Variants in PCNT observed in about 807,000 individuals in gnomAD.
PCNT encodes pericentrin, also known as kendrin.
PCNT carries 319 observed loss-of-function variants against 380.4 expected under a neutral mutation model. The ratio of observed to expected loss-of-function variants is 0.84; its 90% CI spans 0.77 to 0.92. The LOEUF is 0.92. Ranked by LOEUF, PCNT falls within the 40% of genes least tolerant of loss-of-function variation. The probability of loss-of-function intolerance (pLI) is 0.00; values close to 1 mark genes in which losing one functional copy is unlikely to be tolerated. For missense variants in PCNT, 4,400 were observed against 4,255.3 expected (o/e 1.03, Z -0.95); for synonymous variants, 1,845 against 1,735.2 (o/e 1.06, Z -1.57).
At chr21:46,350,321 C>T (rs1177323623) in intron 8 of PCNT, among the ~76,000 whole-genome samples, 1 of 152,124 alleles carries the variant, frequency 6.6e-6, no homozygotes, top group African/African-American at 2.4e-5. Flanking sequence ...TGCAGGCGTC[C>T]CTGAGACAGT....
chr21:46,350,895 C>T (rs59691259), intron 8 of PCNT, among the ~76,000 whole-genome samples: 18,479 of 152,214 alleles, frequency 0.12, 3,090 homozygotes, highest in African/African-American at 0.38. Context: ...CCAGGTGCAG[C>T]GTTGCCCAGG....
chr21:46,441,735 A>G (rs1054890072), intron 43 of PCNT, among the ~76,000 whole-genome samples: 2 of 152,038 alleles, frequency 1.3e-5, no homozygotes, highest in African/African-American at 4.8e-5. Flanking sequence ...AGGAGGAAGC[A>G]TTTTAGGCAC....
rs771511550 is a variant in PCNT, at chr21:46,355,492, A to G, written c.1802A>G (p.His601Arg). 6.2e-7 allele frequency: 1 copy of G among 1,614,072 alleles called. No homozygotes were observed. Among genetic ancestry groups the G allele is most frequent in the East Asian group, 2.2e-5 (1 of 44,872 alleles). The change falls in exon 12 of 47, where the codon CAC becomes CGC. Residue 601 changes from histidine (H) to arginine (R), a missense_variant. By Grantham distance (29) the His-to-Arg change is conservative. Coordinates refer to ENST00000359568, the MANE Select transcript of PCNT (RefSeq NM_006031.6). ...TTCCAGGCGGAGTTAGAAGAAAGCC[A>G]CAGGCACCAGCTGGAAGCGCTGGAG... ...PRFQAELEESHRHQLEALESP... is the reference protein window; with the variant it reads ...PRFQAELEESRRHQLEALESP...
intron 3 of PCNT, among the ~76,000 whole-genome samples, chr21:46,344,526 C>G (rs1031863775): frequency 1.3e-5 from 2 of 152,248 alleles, no homozygotes; most frequent in African/African-American, 4.8e-5. Context: ...GCAACTGTAT[C>G]AAGCCTGTAT....
chr21:46,398,308 C>T (rs1477346074), intron 24 of PCNT, 53 bp downstream of exon 24: 11 of 1,539,736 alleles, frequency 7.1e-6, no homozygotes, highest in African/African-American at 4.1e-5. Context: ...CCAGGCTCCC[C>T]TGCGCTCGCT....
chr21:46,405,219 C>T (rs554926419), intron 27 of PCNT, among the ~76,000 whole-genome samples: 1 of 152,292 alleles, frequency 6.6e-6, no homozygotes, highest in East Asian at 1.9e-4. Flanking sequence ...AATGACAGAA[C>T]AGGACCCTGC....
At position 46,444,017 on chromosome 21, in the gene PCNT, G is replaced by A. The variant is rs910963934; in HGVS notation, c.9839+69G>A. ...CCTCCAGCCTACATAGGGCCTCAGA[G>A]AAATGCATTTTTAGTTCTGGCTTTG... is the stretch of plus-strand genomic sequence containing the variant. On this transcript the variant is annotated intron_variant, in intron 45 of 46. Transcript: ENST00000359568. 2.6e-6 allele frequency: 4 copies of A among 1,525,904 alleles called. No individual in the cohort carries two copies. In the African/African-American group the frequency reaches 4.1e-5, roughly 16 times the overall value. 94.5% of individuals were successfully genotyped at this position (1,525,904 alleles called of 1,614,324 possible). A position where few individuals can be genotyped will look rare whatever the true frequency, so the allele number is the denominator to read the frequency against.
chr21:46,352,848 G>GC (rs1167423560), intron 9 of PCNT, among the ~76,000 whole-genome samples: 2 of 152,056 alleles, frequency 1.3e-5, no homozygotes, highest in African/African-American at 2.4e-5. Flanking sequence ...TGCTGGCTGT[G>GC]CCCCCCACAT....
rs1400871079 is a variant in PCNT, at chr21:46,427,733, G to C, written c.7432G>C (p.Gly2478Arg). Residue 2478 changes from glycine (G) to arginine (R), a missense_variant, in exon 34 of 47, where the codon GGC (glycine) becomes CGC (arginine). By Grantham distance (125) the Gly-to-Arg change is moderately radical. Coordinates refer to ENST00000359568, the MANE Select transcript of PCNT (RefSeq NM_006031.6). ...GGTTGAGCTGCAGCCCCGACTCAGT[G>C]GCTCAGATCTGGGGGGTCACAGCTC... The part of the protein sequence containing the change: ...QGVELQPRLS[G>R]SDLGGHSSLL... The C allele has an allele frequency of 1.2e-6, 2 of 1,613,710 alleles. No homozygotes were observed. Among genetic ancestry groups the C allele is most frequent in the Admixed American group, 3.3e-5 (2 of 60,008 alleles).
chr21:46,326,354 T>C, intron 1 of PCNT, 23 bp from the exon 2 acceptor site: 2 of 1,611,852 alleles, frequency 1.2e-6, no homozygotes, highest in Non-Finnish European at 1.7e-6. Flanking sequence ...TTGCCTTTAC[T>C]ACTTATCTAC....
chr21:46,387,164 C>A (rs1452961162), intron 17 of PCNT, among the ~76,000 whole-genome samples: 1 of 152,214 alleles, frequency 6.6e-6, no homozygotes, highest in Non-Finnish European at 1.5e-5. Flanking sequence ...ACCCTCTGAG[C>A]TCACAGCTGT....
intron 21 of PCNT, among the ~76,000 whole-genome samples, chr21:46,391,918 T>G (rs967985343): frequency 6.6e-6 from 1 of 152,200 alleles, no homozygotes; most frequent in East Asian, 1.9e-4. Flanking sequence ...CTTTTCACAT[T>G]GCATTCGTGC....
chr21:46,356,952 TC>T (rs2084502086), intron 12 of PCNT, 21 bp from the exon 13 acceptor site: 1 of 1,610,514 alleles, frequency 6.2e-7, no homozygotes, highest in East Asian at 2.2e-5. Context: ...CTGACTGTCT[TC>T]CCTGCTCCTT....
intron 15 of PCNT, among the ~76,000 whole-genome samples, chr21:46,369,280 C>T (rs2085037212): frequency 6.6e-6 from 1 of 152,202 alleles, no homozygotes. Context: ...CCCTGTGTTG[C>T]CCAGGCTAGT....
chr21:46,421,970 G>A lies in PCNT; in HGVS notation c.7025G>A (p.Ser2342Asn), dbSNP rs1322020966. The A allele has an allele frequency of 1.2e-6, 2 of 1,613,944 alleles. No homozygotes were observed. The highest frequency in any genetic ancestry group is 4.5e-5 in the East Asian group (2 of 44,874). ...GACCCTGACCCTGTGGTGTTTTTAG[G>A]TGACGGCTCGGGTTTTGGAGCAAGA... ...LEGKADRSEK[S>N]DGSGFGARLS... is the part of the protein sequence containing the mutation. The change falls in exon 32 of 47, where the codon AGT becomes AAT. Residue 2342 changes from serine to asparagine, a missense_variant and splice_region_variant. Transcript: ENST00000359568.
chr21:46,416,760 G>C lies in PCNT; in HGVS notation c.6842G>C (p.Gly2281Ala). The part of the protein sequence containing the change: ...TQGPGLLCSP[G>A]VSAAALALQW... ...GGGCCGGGGCTGCTTTGTTCCCCAG[G>C]CGTGTCTGCAGCAGCGCTGGCACTG... is the stretch of plus-strand genomic sequence containing the variant. Residue 2281 changes from glycine to alanine, a missense_variant, in exon 30 of 47, where the codon GGC (glycine) becomes GCC (alanine). Coordinates refer to ENST00000359568, the MANE Select transcript of PCNT (RefSeq NM_006031.6). 1 of 1,604,324 alleles carries C rather than the reference G, an allele frequency of 6.2e-7. No homozygotes were observed. Among genetic ancestry groups the C allele is most frequent in the Non-Finnish European group, 8.5e-7 (1 of 1,177,144 alleles).
intron 13 of PCNT, among the ~76,000 whole-genome samples, chr21:46,361,654 G>C (rs953178224): frequency 6.6e-6 from 1 of 152,146 alleles, no homozygotes; most frequent in African/African-American, 2.4e-5. Context: ...TGCCATTTCT[G>C]GTGCTCTTCA....
At chr21:46,396,599 A>T (rs1240518024) in intron 21 of PCNT, among the ~76,000 whole-genome samples, 3 of 152,136 alleles carry the variant, frequency 2.0e-5, no homozygotes, top group Non-Finnish European at 4.4e-5. Context: ...TACCCAGTTA[A>T]TTTTATTTAT....
chr21:46,418,215 C>G lies in PCNT; in HGVS notation c.6933C>G (p.Val2311=). 2 of 1,587,658 alleles carry G rather than the reference C, an allele frequency of 1.3e-6. No individual in the cohort carries two copies. Among genetic ancestry groups the G allele is most frequent in the South Asian group, 1.1e-5 (1 of 90,520 alleles). ...HVQRTAVEKD[V]EDFITTSFDS... is the part of the protein sequence containing the mutation. ...AAATCTCTTAACAGGAGAAAGATGT[C>G]GAAGATTTTATCACAACATCCTTTG... Residue 2311 remains valine, a synonymous_variant, in exon 31 of 47, where the codon GTC becomes GTG. Coordinates refer to ENST00000359568, the MANE Select transcript of PCNT (RefSeq NM_006031.6).
Sources: allele counts gnomAD v4.1 joint callset (sites outside exome capture counted in the v4.1 genomes callset), GRCh38; gene constraint gnomAD v4.1.1; transcripts MANE v1.5; gene names NCBI Gene and HGNC (gene_info 2026-07-23, HGNC 2026-07-21).